XKR4: variants seen among roughly 807,000 people sequenced by gnomAD.
XKR4 encodes XK-related protein 4.
In XKR4, 12 loss-of-function variants were observed where a neutral mutation model predicts 53.9. That is an observed-to-expected ratio of 0.22 (90% confidence interval 0.14 to 0.36). The LOEUF (loss-of-function observed/expected upper bound fraction) is 0.36. Ranked by LOEUF, XKR4 falls within the 10% of genes least tolerant of loss-of-function variation. The pLI, the probability that XKR4 is intolerant of heterozygous loss-of-function variation, is 1.00. For missense variants in XKR4, 799 were observed against 859.5 expected, an observed-to-expected ratio of 0.93 and a Z score of 0.88; for synonymous variants, 354 against 362.4, an observed-to-expected ratio of 0.98 and a Z score of 0.26.
chr8:55,237,447 G>T (rs988675585), intron 1 of XKR4, among the ~76,000 whole-genome samples: 3 of 152,192 alleles, frequency 2.0e-5, no homozygotes, highest in South Asian at 4.1e-4. Context: ...ATACAGAAGA[G>T]AAAATATACT....
In XKR4 at chr8:55,303,795, G is replaced by A. The variant is rs1192314427; in HGVS notation, c.807-53883G>A. ...CTAGTTTATTTGCGTAGACGTGTTT[G>A]TAGTATTCTCTGATGGTAGTTTGTA... On this transcript the variant is annotated intron_variant, in intron 1 of 2. Coordinates refer to ENST00000327381, the MANE Select transcript of XKR4 (RefSeq NM_052898.2). Among the ~76,000 whole-genome samples the A allele has an allele frequency of 2.6e-5, 4 of 152,162 alleles. No individual in the cohort carries two copies. In the East Asian group the frequency reaches 7.7e-4, roughly 29 times the overall value.
At chr8:55,438,016 G>A (rs1257340119) in intron 2 of XKR4, among the ~76,000 whole-genome samples, 1 of 151,798 alleles carries the variant, frequency 6.6e-6, no homozygotes, top group Non-Finnish European at 1.5e-5. Flanking sequence ...GAAACAAGAT[G>A]AATAGATTAA....
At chr8:55,470,807 T>C (rs1805868458) in intron 2 of XKR4, among the ~76,000 whole-genome samples, 2 of 152,098 alleles carry the variant, frequency 1.3e-5, no homozygotes, top group African/African-American at 4.8e-5. Flanking sequence ...AATAAGTAAT[T>C]TACTTTGACA....
At chr8:55,172,082 C>A (rs529401611) in intron 1 of XKR4, among the ~76,000 whole-genome samples, 1 of 151,994 alleles carries the variant, frequency 6.6e-6, no homozygotes, top group African/African-American at 2.4e-5. Flanking sequence ...GGCGTGGTGC[C>A]GCATTCCTGT....
chr8:55,481,077 G>A (rs1181428831), intron 2 of XKR4, among the ~76,000 whole-genome samples: 1 of 152,154 alleles, frequency 6.6e-6, no homozygotes, highest in Non-Finnish European at 1.5e-5. Flanking sequence ...CCAAAAAAGA[G>A]CCCACATTGC....
chr8:55,472,842 T>C (rs1805911019), intron 2 of XKR4, among the ~76,000 whole-genome samples: 1 of 152,146 alleles, frequency 6.6e-6, no homozygotes, highest in Non-Finnish European at 1.5e-5. Flanking sequence ...GGTAGATTTA[T>C]GCTTTGCACT....
intron 2 of XKR4, among the ~76,000 whole-genome samples, chr8:55,513,560 C>T (rs1431710890): frequency 6.6e-6 from 1 of 152,154 alleles, no homozygotes; most frequent in Non-Finnish European, 1.5e-5. Context: ...GGAAGTGTAT[C>T]GAGATGTGGC....
intron 1 of XKR4, among the ~76,000 whole-genome samples, chr8:55,177,561 A>G (rs532921964): frequency 6.6e-6 from 1 of 152,244 alleles, no homozygotes; most frequent in East Asian, 1.9e-4. Flanking sequence ...TTTGTTCCCC[A>G]ACTTGAGTTA....
At chr8:55,132,339 G>T (rs1816567306) in intron 1 of XKR4, among the ~76,000 whole-genome samples, 1 of 152,072 alleles carries the variant, frequency 6.6e-6, no homozygotes, top group Non-Finnish European at 1.5e-5. Context: ...TATCCACAAG[G>T]AATACACTTG....
rs200249817 is a variant in XKR4 at position 55,436,994 on chromosome 8, A to G, written c.1006+79117A>G. On this transcript the variant is annotated intron_variant, in intron 2 of 2. Coordinates refer to ENST00000327381, the MANE Select transcript of XKR4 (RefSeq NM_052898.2). ...TCGAGTTTTCTAAACAAGGAAATCT[A>G]TGTTATGAAAGGTACGGGATTTGCC... Among the ~76,000 whole-genome samples the G allele has an allele frequency of 5.9e-5, 9 of 152,214 alleles. No individual in the cohort carries two copies. The East Asian group carries it at 7.7e-4, about 13-fold the overall frequency.
At chr8:55,214,171 CTTA>C (rs1443299911) in intron 1 of XKR4, among the ~76,000 whole-genome samples, 1 of 152,034 alleles carries the variant, frequency 6.6e-6, no homozygotes, top group Admixed American at 6.5e-5. Flanking sequence ...CTGTTTAGTA[CTTA>C]TTATTTACTT....
chr8:55,463,840 A>G (rs1276558318), intron 2 of XKR4, among the ~76,000 whole-genome samples: 11 of 152,200 alleles, frequency 7.2e-5, no homozygotes, highest in African/African-American at 9.7e-5. Context: ...AGAGAATACT[A>G]TAAACACCTC....
At chr8:55,422,588 C>G (rs1353513788) in intron 2 of XKR4, among the ~76,000 whole-genome samples, 1 of 152,184 alleles carries the variant, frequency 6.6e-6, no homozygotes, top group Admixed American at 6.5e-5. Flanking sequence ...CATCGAATCC[C>G]AGGGAACACA....
chr8:55,303,080 T>C (rs888678220), intron 1 of XKR4, among the ~76,000 whole-genome samples: 4 of 152,250 alleles, frequency 2.6e-5, no homozygotes, highest in African/African-American at 7.2e-5. Flanking sequence ...GTGCCCGTTT[T>C]CAAAGGGAAT....
intron 1 of XKR4, among the ~76,000 whole-genome samples, chr8:55,267,549 T>A (rs1818625351): frequency 6.6e-6 from 1 of 152,206 alleles, no homozygotes; most frequent in Non-Finnish European, 1.5e-5. Flanking sequence ...AATAGAGTTG[T>A]ATGCTTGCAA....
In XKR4 at chr8:55,199,659, A is replaced by T. The variant is rs187049509; in HGVS notation, c.806+96365A>T. Among the ~76,000 whole-genome samples the T allele has an allele frequency of 5.6e-4, 85 of 152,308 alleles. 2 individuals carry two copies. Among genetic ancestry groups the T allele is most frequent in the African/African-American group, 1.6e-3 (65 of 41,574 alleles). Reference sequence around the variant, plus strand: ...CTGTTAATTTGACTCTCTCTACCACATGCCAACTCTTCTGATCACAGCTAT... The same window carrying T: ...CTGTTAATTTGACTCTCTCTACCACTTGCCAACTCTTCTGATCACAGCTAT... On this transcript the variant is annotated intron_variant, in intron 1 of 2. Transcript: ENST00000327381.
intron 2 of XKR4, among the ~76,000 whole-genome samples, chr8:55,465,036 A>C (rs1214748905): frequency 8.5e-5 from 13 of 152,150 alleles, no homozygotes; most frequent in Admixed American, 7.2e-4. Context: ...AGGAAGAATC[A>C]ATAACATGAA....
At chr8:55,379,580 G>A (rs181370022) in intron 2 of XKR4, among the ~76,000 whole-genome samples, 114 of 152,294 alleles carry the variant, frequency 7.5e-4, no homozygotes, top group African/African-American at 2.3e-3. Flanking sequence ...CAACAAATGC[G>A]CTCTGGGGCA....
At chr8:55,193,589 T>A (rs1381996691) in intron 1 of XKR4, among the ~76,000 whole-genome samples, 2 of 152,162 alleles carry the variant, frequency 1.3e-5, no homozygotes, top group African/African-American at 4.8e-5. Context: ...TCCTGATAGA[T>A]CCCTTCGGGA....
Sources: gnomAD v4.1 joint callset for allele counts (sites outside exome capture counted in the v4.1 genomes callset) on GRCh38, gnomAD v4.1.1 for gene constraint, MANE v1.5 for transcripts, NCBI Gene and HGNC (gene_info 2026-07-23, HGNC 2026-07-21) for gene names.